Variants in FGD4 observed in about 807,000 individuals in gnomAD.
The protein encoded by FGD4 is FYVE, RhoGEF and PH domain-containing protein 4.
FGD4 carries 42 observed loss-of-function variants against 102.0 expected under a neutral mutation model. The ratio of observed to expected loss-of-function variants is 0.41; its 90% CI spans 0.32 to 0.53. The LOEUF is 0.53. FGD4 is among the 20% of genes least tolerant of loss of function. The pLI is 0.21. For synonymous variants in FGD4, 380 were observed against 375.7 expected (o/e 1.01, Z -0.13); for missense variants, 902 against 1,078.2 (o/e 0.84, Z 2.29).
At chr12:32,613,362 G>T (rs555385801) in intron 10 of FGD4, among the ~76,000 whole-genome samples, 1 of 152,182 alleles carries the variant, frequency 6.6e-6, no homozygotes, top group Non-Finnish European at 1.5e-5. Context: ...AAAACTATGC[G>T]TAGATTTCAA....
intron 1 of FGD4, among the ~76,000 whole-genome samples, chr12:32,510,514 A>T (rs1314176581): frequency 6.6e-6 from 1 of 152,208 alleles, no homozygotes; most frequent in Non-Finnish European, 1.5e-5. Context: ...CAATGACCTT[A>T]TAGGAATTTT....
intron 15 of FGD4, among the ~76,000 whole-genome samples, chr12:32,635,871 G>A (rs1445412092): frequency 1.3e-5 from 2 of 151,874 alleles, no homozygotes; most frequent in African/African-American, 2.4e-5. Flanking sequence ...AAATTAGCCC[G>A]CGTAGTGGTG....
chr12:32,623,443 A>G (rs1949967488), intron 11 of FGD4, among the ~76,000 whole-genome samples: 1 of 152,188 alleles, frequency 6.6e-6, no homozygotes, highest in Admixed American at 6.5e-5. Context: ...CACAGATTCC[A>G]GCAGCATTCC....
At position 32,520,443 on chromosome 12, in the gene FGD4, T is replaced by TTTTTTG. The variant is rs1565796599; in HGVS notation, c.167-43689_167-43688insGTTTTT. On this transcript the variant is annotated intron_variant, in intron 1 of 16. Coordinates refer to ENST00000534526, the MANE Select transcript of FGD4 (RefSeq NM_001370298.3). ...ATTGTGGGTTTTTTTGTTTTTTGTT[T>TTTTTTG]TTTTTTTTTAGAGATGGAGTCTCGC... Among the ~76,000 whole-genome samples, 4 of 149,636 alleles carry TTTTTTG rather than the reference T, an allele frequency of 2.7e-5. No individual in the cohort carries two copies. The East Asian group carries it at 5.8e-4, about 22-fold the overall frequency.
intron 1 of FGD4, among the ~76,000 whole-genome samples, chr12:32,426,588 TA>T (rs1183103545): frequency 1.3e-5 from 2 of 152,224 alleles, no homozygotes; most frequent in East Asian, 1.9e-4. Context: ...TAAAATGAGT[TA>T]GGGGGGATTC....
chr12:32,449,649 G>T (rs944634386), intron 1 of FGD4, among the ~76,000 whole-genome samples: 1 of 152,170 alleles, frequency 6.6e-6, no homozygotes, highest in Non-Finnish European at 1.5e-5. Context: ...GATTAAGGTG[G>T]TGTCTGCCTG....
intron 1 of FGD4, among the ~76,000 whole-genome samples, chr12:32,431,169 A>T (rs933311358): frequency 1.3e-5 from 2 of 152,222 alleles, no homozygotes; most frequent in Non-Finnish European, 2.9e-5. Context: ...TGTAGAGAGC[A>T]GCTGTCATCA....
chr12:32,581,780 T>C, intron 3 of FGD4, 180 bp from the exon 4 acceptor site: 1 of 628,246 alleles, frequency 1.6e-6, no homozygotes, highest in Non-Finnish European at 2.7e-6. Context: ...TATTTAAATG[T>C]GGATAGCATC....
rs138581343 is a variant in FGD4 at position 32,542,782 on chromosome 12, T to C, written c.167-21355T>C. On this transcript the variant is annotated intron_variant, in intron 1 of 16. Coordinates refer to ENST00000534526, the MANE Select transcript of FGD4 (RefSeq NM_001370298.3). Reference sequence around the variant, plus strand: ...AGAAGTTTCTCCTTGTATAGGAGCTTTTCATGCCCTCTGTTGGCCATAAAT... The same window carrying C: ...AGAAGTTTCTCCTTGTATAGGAGCTCTTCATGCCCTCTGTTGGCCATAAAT... Among the ~76,000 whole-genome samples, 904 of 152,338 alleles carry C rather than the reference T, an allele frequency of 5.9e-3. 11 individuals are homozygous for C. Among genetic ancestry groups the C allele is most frequent in the African/African-American group, 0.021 (861 of 41,574 alleles).
intron 16 of FGD4, among the ~76,000 whole-genome samples, chr12:32,639,541 C>T (rs1440123565): frequency 6.6e-6 from 1 of 152,092 alleles, no homozygotes; most frequent in Non-Finnish European, 1.5e-5. Context: ...GGAAGGGGAA[C>T]TTAAAATCAG....
intron 7 of FGD4, among the ~76,000 whole-genome samples, chr12:32,607,718 T>C (rs931282851): frequency 6.6e-6 from 1 of 152,228 alleles, no homozygotes; most frequent in African/African-American, 2.4e-5. Flanking sequence ...TTTTGCCATG[T>C]TGGCCGGGCT....
chr12:32,462,831 T>A (rs1404320178), intron 1 of FGD4, among the ~76,000 whole-genome samples: 2 of 152,178 alleles, frequency 1.3e-5, no homozygotes, highest in Non-Finnish European at 2.9e-5. Context: ...CACCCCACAT[T>A]TACTTGTGCC....
intron 15 of FGD4, among the ~76,000 whole-genome samples, chr12:32,635,952 C>T (rs961852016): frequency 2.0e-5 from 3 of 151,634 alleles, no homozygotes; most frequent in Admixed American, 6.6e-5. Context: ...ATGGAGGTTG[C>T]AGTGAGCTGA....
At chr12:32,598,185 G>C (rs1422764598) in intron 4 of FGD4, among the ~76,000 whole-genome samples, 1 of 152,140 alleles carries the variant, frequency 6.6e-6, no homozygotes, top group Non-Finnish European at 1.5e-5. Flanking sequence ...CCAAAGAGTA[G>C]CCTGAGAAAG....
chr12:32,418,652 G>C (rs1000059169), intron 1 of FGD4, among the ~76,000 whole-genome samples: 4 of 152,144 alleles, frequency 2.6e-5, no homozygotes, highest in Non-Finnish European at 5.9e-5. Flanking sequence ...GACTGTACCG[G>C]TTCAGACCCG....
chr12:32,505,191 A>T (rs943716452), intron 1 of FGD4, among the ~76,000 whole-genome samples: 1 of 152,138 alleles, frequency 6.6e-6, no homozygotes, highest in Non-Finnish European at 1.5e-5. Context: ...ATTTTTCACA[A>T]TTTTGAGAAA....
chr12:32,588,473 A>G (rs1046320777), intron 4 of FGD4, among the ~76,000 whole-genome samples: 1 of 152,232 alleles, frequency 6.6e-6, no homozygotes, highest in Non-Finnish European at 1.5e-5. Flanking sequence ...CGGAGAAGTC[A>G]TGGAGAATCT....
At chr12:32,510,994 G>A (rs1939305718) in intron 1 of FGD4, among the ~76,000 whole-genome samples, 1 of 152,208 alleles carries the variant, frequency 6.6e-6, no homozygotes, top group South Asian at 2.1e-4. Context: ...GTGGGATTAA[G>A]CAGGAGGATT....
At chr12:32,625,806 G>T (rs767419567) in intron 14 of FGD4, 27 bp downstream of exon 14, 23 of 1,613,200 alleles carry the variant, frequency 1.4e-5, no homozygotes, top group African/African-American at 4.0e-5. Flanking sequence ...GATCATTAAG[G>T]TTGCTAGTAA....
Sources: allele counts gnomAD v4.1 joint callset (sites outside exome capture counted in the v4.1 genomes callset), GRCh38; gene constraint gnomAD v4.1.1; transcripts MANE v1.5; gene names NCBI Gene and HGNC (gene_info 2026-07-23, HGNC 2026-07-21).